The following CHCT1 variants were observed in gnomAD, a reference collection of about 807,000 sequenced individuals.
CHCT1 encodes the protein CHD1 helical C-terminal domain containing 1, also known as CHD1 helical C-terminal domain containing protein 1.
At chr17:60,422,295 C>A in the CHCT1 span, 1 of 483,992 alleles carries the variant, frequency 2.1e-6, no homozygotes, top group Non-Finnish European at 3.5e-6. Flanking sequence ...AGAAGGGGCG[C>A]CAGCCTCTCC....
At chr17:60,423,167 T>G in the CHCT1 span, among the ~76,000 whole-genome samples, 1 of 152,104 alleles carries the variant, frequency 6.6e-6, no homozygotes, top group African/African-American at 2.4e-5. Context: ...TTGTTGCCAC[T>G]TATTTTCAGC....
At chr17:60,426,810 A>C in the CHCT1 span, 7 of 1,603,506 alleles carry the variant, frequency 4.4e-6, no homozygotes, top group Non-Finnish European at 6.0e-6. Context: ...CAGCCGGCCA[A>C]GTTCCTGGTG....
the CHCT1 span, chr17:60,429,338 C>T: frequency 6.2e-7 from 1 of 1,607,724 alleles, no homozygotes; most frequent in Non-Finnish European, 8.5e-7. Flanking sequence ...CAACACTCTC[C>T]TTAACACGGA....
chr17:60,429,216 T>A, the CHCT1 span: 8 of 826,044 alleles, frequency 9.7e-6, no homozygotes, highest in Non-Finnish European at 9.2e-6. Flanking sequence ...CTCTCCCACA[T>A]CTGTGATTCC....
chr17:60,421,572 G>T, the CHCT1 span: 1 of 985,402 alleles, frequency 1.0e-6, no homozygotes, highest in Non-Finnish European at 1.2e-6. Context: ...GGAAGAAAAG[G>T]TGGCTCGAGT....
the CHCT1 span, among the ~76,000 whole-genome samples, chr17:60,423,620 C>T: frequency 1.2e-4 from 18 of 152,134 alleles, no homozygotes; most frequent in Non-Finnish European, 1.9e-4. Flanking sequence ...CGTGCCACCA[C>T]ACTTAGCTGA....
the CHCT1 span, among the ~76,000 whole-genome samples, chr17:60,425,281 T>C: frequency 1.3e-5 from 2 of 152,104 alleles, no homozygotes; most frequent in Admixed American, 1.3e-4. Context: ...TCCTGGACAC[T>C]AGCAATCCTC....
chr17:60,421,561 G>A, the CHCT1 span: 1 of 985,516 alleles, frequency 1.0e-6, no homozygotes, highest in Non-Finnish European at 1.2e-6. Flanking sequence ...CCTAGTTTCA[G>A]GGAAGAAAAG....
the CHCT1 span, chr17:60,421,750 C>A: frequency 1.2e-6 from 1 of 835,298 alleles, no homozygotes; most frequent in Non-Finnish European, 1.4e-6. Context: ...CTGCCCACCG[C>A]GTTTCCGCCC....
chr17:60,421,675 G>A, the CHCT1 span: 10 of 882,168 alleles, frequency 1.1e-5, no homozygotes, highest in South Asian at 3.6e-4. Context: ...CGCCAGGGGC[G>A]AGGGTCCCGG....
At chr17:60,429,274 G>A in the CHCT1 span, 1 of 1,403,186 alleles carries the variant, frequency 7.1e-7, no homozygotes, top group Non-Finnish European at 9.7e-7. Flanking sequence ...GCAGACCTTA[G>A]CATTTCTCAA....
At chr17:60,426,242 A>G in the CHCT1 span, 1 of 1,551,964 alleles carries the variant, frequency 6.4e-7, no homozygotes, top group Non-Finnish European at 8.7e-7. Flanking sequence ...GAAGAAGCTG[A>G]AGTACATGAA....
At chr17:60,425,929 G>T in the CHCT1 span, 1 of 1,483,496 alleles carries the variant, frequency 6.7e-7, no homozygotes, top group South Asian at 1.2e-5. Flanking sequence ...TTTCCCCATT[G>T]GTCAGGAGGC....
chr17:60,426,334 A>G, the CHCT1 span: 1 of 1,550,202 alleles, frequency 6.5e-7, no homozygotes, highest in Non-Finnish European at 8.7e-7. Flanking sequence ...AACACTGGAG[A>G]AAGTAGGGCA....
chr17:60,425,539 A>G, the CHCT1 span, among the ~76,000 whole-genome samples: 1 of 152,238 alleles, frequency 6.6e-6, no homozygotes, highest in African/African-American at 2.4e-5. Flanking sequence ...AGTGCTTTGC[A>G]GTTACCTAGT....
At chr17:60,428,521 C>A in the CHCT1 span, among the ~76,000 whole-genome samples, 2 of 143,226 alleles carry the variant, frequency 1.4e-5, no homozygotes, top group African/African-American at 2.6e-5. Context: ...GAGTTTTGCT[C>A]TTGTCCCCCA....
At chr17:60,428,606 C>T in the CHCT1 span, among the ~76,000 whole-genome samples, 4 of 151,572 alleles carry the variant, frequency 2.6e-5, no homozygotes, top group African/African-American at 7.3e-5. Context: ...CTTGCCTCAG[C>T]CTCCTGAGTA....
At chr17:60,426,457 GA>G in the CHCT1 span, 1 of 1,189,800 alleles carries the variant, frequency 8.4e-7, no homozygotes, top group African/African-American at 1.5e-5. Context: ...TCAAGAGCCT[GA>G]GGGGATGGAG....
At chr17:60,427,459 C>T in the CHCT1 span, among the ~76,000 whole-genome samples, 1 of 152,020 alleles carries the variant, frequency 6.6e-6, no homozygotes, top group African/African-American at 2.4e-5. Flanking sequence ...ACTCTGTCAT[C>T]CAAGCTGGAG....
Sources: allele counts gnomAD v4.1 joint callset (sites outside exome capture counted in the v4.1 genomes callset), GRCh38; gene constraint gnomAD v4.1.1; transcripts MANE v1.5; gene names NCBI Gene and HGNC (gene_info 2026-07-23, HGNC 2026-07-21).